Variants in BAZ2B observed in about 807,000 individuals in gnomAD.
The protein encoded by BAZ2B is bromodomain adjacent to zinc finger domain protein 2B.
BAZ2B carries 91 observed loss-of-function variants against 246.0 expected under a neutral mutation model. The ratio of observed to expected loss-of-function variants is 0.37; its 90% CI spans 0.31 to 0.44. The LOEUF (loss-of-function observed/expected upper bound fraction) is 0.44, where lower values mean the gene tolerates loss of function less well. Among genes scored for constraint, BAZ2B ranks in the 20% least tolerant of loss-of-function variants. The pLI is 1.00. For synonymous variants in BAZ2B, 855 were observed against 860.0 expected (o/e 0.99, Z 0.10); for missense variants, 2,332 against 2,533.7 (o/e 0.92, Z 1.71).
chr2:159,350,053 A>G lies in BAZ2B; in HGVS notation c.4518T>C (p.His1506=), dbSNP rs1490184378. The change falls in exon 28 of 37, where the codon CAT becomes CAC. Residue 1506 remains histidine, a synonymous_variant. Transcript: ENST00000392783. ...CTGTTGACTGAACGCTGCCCAGTGA[A>G]TGTTTTCCACTGTTCTGATAAGACA... The part of the protein sequence containing the change: ...CTLSYQNSGK[H]SLGSVQSTAT... 6.2e-7 allele frequency: 1 copy of G among 1,614,028 alleles called. No individual in the cohort carries two copies. The highest frequency in any genetic ancestry group is 8.5e-7 in the Non-Finnish European group (1 of 1,180,028).
intron 2 of BAZ2B, among the ~76,000 whole-genome samples, chr2:159,540,859 T>G (rs1427129936): frequency 6.6e-6 from 1 of 152,206 alleles, no homozygotes; most frequent in East Asian, 1.9e-4. Context: ...TATTCTAATG[T>G]TCACTGTTGA....
chr2:159,428,455 A>C, intron 11 of BAZ2B, 36 bp from the exon 12 acceptor site: 1 of 1,477,474 alleles, frequency 6.8e-7, no homozygotes, highest in South Asian at 1.2e-5. Context: ...TGACATACTT[A>C]ATTTCAAGAA....
intron 26 of BAZ2B, among the ~76,000 whole-genome samples, chr2:159,373,608 G>A (rs770665397): frequency 6.6e-6 from 1 of 152,046 alleles, no homozygotes; most frequent in Non-Finnish European, 1.5e-5. Flanking sequence ...AGGCGGGTGG[G>A]TCATTTGAAC....
At chr2:159,488,204 C>T (rs2080054997) in intron 2 of BAZ2B, among the ~76,000 whole-genome samples, 1 of 152,138 alleles carries the variant, frequency 6.6e-6, no homozygotes, top group African/African-American at 2.4e-5. Context: ...TCCCAAGTAG[C>T]TGGGACTACA....
intron 1 of BAZ2B, among the ~76,000 whole-genome samples, chr2:159,606,830 C>G (rs946618570): frequency 1.3e-5 from 2 of 151,834 alleles, no homozygotes; most frequent in African/African-American, 2.4e-5. Flanking sequence ...TTGTCCTTGG[C>G]CAAGACATTA....
At chr2:159,400,523 C>T (rs758954495) in intron 17 of BAZ2B, 76 bp downstream of exon 17, 202 of 873,952 alleles carry the variant, frequency 2.3e-4, no homozygotes, top group Non-Finnish European at 3.6e-5. Context: ...AAAACATGCA[C>T]GCAAAATATT....
chr2:159,398,230 G>A (rs1327541503), intron 18 of BAZ2B: 1 of 151,946 alleles, frequency 6.6e-6, no homozygotes, highest in Non-Finnish European at 1.5e-5. Context: ...AGGGGAGGAA[G>A]GGGACAACTC....
chr2:159,320,839 T>C (rs1025120955), intron 36 of BAZ2B, among the ~76,000 whole-genome samples: 2 of 152,186 alleles, frequency 1.3e-5, no homozygotes, highest in African/African-American at 4.8e-5. Context: ...ATGTCAATGC[T>C]CCCCATGCAA....
intron 23 of BAZ2B, among the ~76,000 whole-genome samples, chr2:159,384,881 T>C (rs1055612154): frequency 1.3e-5 from 2 of 152,090 alleles, no homozygotes; most frequent in African/African-American, 4.8e-5. Context: ...AAAAGTTATG[T>C]ATAAAGAATT....
intron 2 of BAZ2B, among the ~76,000 whole-genome samples, chr2:159,501,135 T>A (rs2081674670): frequency 2.6e-5 from 2 of 77,726 alleles, no homozygotes; most frequent in African/African-American, 1.2e-4. Context: ...TATATATATA[T>A]ATTTTATATA....
At chr2:159,620,605 A>T (rs1696392615), upstream of BAZ2B, among the ~76,000 whole-genome samples, 2 of 152,212 alleles carry the variant, frequency 1.3e-5, no homozygotes, top group South Asian at 4.1e-4. Flanking sequence ...AGAGCTTACC[A>T]GGCAAAGAAG....
chr2:159,401,397 A>G (rs537655477), intron 16 of BAZ2B, among the ~76,000 whole-genome samples: 37 of 152,320 alleles, frequency 2.4e-4, no homozygotes, highest in African/African-American at 8.2e-4. Flanking sequence ...ATTCTTCTAT[A>G]AAATAGTGAG....
downstream of BAZ2B, among the ~76,000 whole-genome samples, chr2:159,317,525 C>T (rs1406633624): frequency 6.6e-6 from 1 of 152,178 alleles, no homozygotes; most frequent in African/African-American, 2.4e-5. Flanking sequence ...CATACTGTTT[C>T]AAACTGATGA....
upstream of BAZ2B, among the ~76,000 whole-genome samples, chr2:159,620,342 T>C (rs1385972129): frequency 6.6e-6 from 1 of 152,208 alleles, no homozygotes; most frequent in Admixed American, 6.5e-5. Context: ...TTTTCATTCA[T>C]TGAACAAACA....
At chr2:159,388,090 A>G (rs2062848297) in intron 21 of BAZ2B, among the ~76,000 whole-genome samples, 1 of 152,006 alleles carries the variant, frequency 6.6e-6, no homozygotes, top group Admixed American at 6.6e-5. Flanking sequence ...ACTAACCTGC[A>G]CATTGTGCAC....
intron 27 of BAZ2B, among the ~76,000 whole-genome samples, chr2:159,351,426 C>G (rs917399051): frequency 4.0e-5 from 6 of 151,894 alleles, no homozygotes; most frequent in Admixed American, 3.3e-4. Flanking sequence ...AAATAATGAC[C>G]TTTTATCTGT....
At chr2:159,549,660 G>A (rs906416730) in intron 2 of BAZ2B, among the ~76,000 whole-genome samples, 18 of 152,082 alleles carry the variant, frequency 1.2e-4, no homozygotes, top group Non-Finnish European at 1.6e-4. Flanking sequence ...CCAAATTTGT[G>A]TTAGGATGCA....
intron 27 of BAZ2B, among the ~76,000 whole-genome samples, chr2:159,352,804 T>C (rs533188055): frequency 1.3e-5 from 2 of 152,290 alleles, no homozygotes; most frequent in East Asian, 3.9e-4. Flanking sequence ...TATCTTGCTA[T>C]TATTGGATTC....
chr2:159,436,032 T>C (rs1475709559), intron 8 of BAZ2B, among the ~76,000 whole-genome samples: 1 of 152,260 alleles, frequency 6.6e-6, no homozygotes, highest in East Asian at 1.9e-4. Flanking sequence ...CATTTCAATG[T>C]AATTTTATAG....
Sources: allele counts gnomAD v4.1 joint callset (sites outside exome capture counted in the v4.1 genomes callset), GRCh38; gene constraint gnomAD v4.1.1; transcripts MANE v1.5; gene names NCBI Gene and HGNC (gene_info 2026-07-23, HGNC 2026-07-21).